Variants in STARD3NL observed in about 807,000 individuals in gnomAD.
STARD3NL encodes the protein STARD3 N-terminal-like protein.
A neutral mutation model predicts 30.9 loss-of-function variants in STARD3NL; 17 were observed. The observed-to-expected ratio is 0.55, with a 90% CI of 0.38 to 0.82. The LOEUF is 0.82. Ranked by LOEUF, STARD3NL falls within the 40% of genes least tolerant of loss-of-function variation. STARD3NL has a pLI of 0.00. For missense variants in STARD3NL, 234 were observed against 277.6 expected, an observed-to-expected ratio of 0.84 and a Z score of 1.12; for synonymous variants, 112 against 100.5, an observed-to-expected ratio of 1.11 and a Z score of -0.69.
chr7:38,196,732 G>A (rs1784913291), intron 1 of STARD3NL, among the ~76,000 whole-genome samples: 1 of 151,878 alleles, frequency 6.6e-6, no homozygotes, highest in Admixed American at 6.6e-5. Context: ...TGAGATGACT[G>A]GTTTTTACCC....
At chr7:38,215,367 A>G in intron 4 of STARD3NL, 1 of 479,826 alleles carries the variant, frequency 2.1e-6, no homozygotes, top group South Asian at 3.5e-5. Flanking sequence ...GCCAAGCACC[A>G]AGCCACCCTC....
Position 38,224,416 on chromosome 7 carries a change from C to T in STARD3NL, c.650-4383C>T, listed in dbSNP as rs139594279. Among the ~76,000 whole-genome samples the T allele has an allele frequency of 4.4e-3, 669 of 152,270 alleles. 1 individual carries two copies. The highest frequency in any genetic ancestry group is 0.015 in the African/African-American group (641 of 41,546). ...TCGTGGCTGTTTTATTTTACGTTCC[C>T]TCCAATAATGTACAGTAGTCCTTTC... is the stretch of plus-strand genomic sequence containing the variant. On this transcript the variant is annotated intron_variant, in intron 7 of 8. Transcript: ENST00000009041.
intron 7 of STARD3NL, among the ~76,000 whole-genome samples, chr7:38,224,998 A>G (rs1027092995): frequency 1.3e-5 from 2 of 152,190 alleles, no homozygotes; most frequent in African/African-American, 4.8e-5. Flanking sequence ...CAGTTTCTCC[A>G]TATATTCACC....
chr7:38,217,410 G>A, intron 6 of STARD3NL, 105 bp downstream of exon 6: 1 of 1,009,670 alleles, frequency 9.9e-7, no homozygotes, highest in Non-Finnish European at 1.5e-6. Flanking sequence ...GGTAGAGTTA[G>A]GCAGTGGTGG....
intron 1 of STARD3NL, chr7:38,198,228 C>G: frequency 6.6e-6 from 1 of 152,196 alleles, no homozygotes; most frequent in East Asian, 1.9e-4. Flanking sequence ...CATGTAGGCC[C>G]CACCGTTTTT....
chr7:38,227,940 G>T (rs951867177), intron 7 of STARD3NL, among the ~76,000 whole-genome samples: 2 of 151,966 alleles, frequency 1.3e-5, no homozygotes, highest in African/African-American at 4.8e-5. Context: ...TTGTAGAAAT[G>T]TTAAAATATC....
At chr7:38,191,146 A>G (rs1784670696) in intron 1 of STARD3NL, among the ~76,000 whole-genome samples, 1 of 152,184 alleles carries the variant, frequency 6.6e-6, no homozygotes, top group African/African-American at 2.4e-5. Flanking sequence ...CAGCATCCAT[A>G]ATGGTCCTTG....
chr7:38,217,933 C>T (rs1026090688), intron 6 of STARD3NL, among the ~76,000 whole-genome samples: 20 of 152,188 alleles, frequency 1.3e-4, no homozygotes, highest in Non-Finnish European at 2.2e-4. Flanking sequence ...GTAGCTGAGT[C>T]ATAGCTAACA....
chr7:38,214,472 A>G (rs1478597616), intron 3 of STARD3NL, 38 bp downstream of exon 3: 1 of 1,377,344 alleles, frequency 7.3e-7, no homozygotes. Context: ...ATGTGATAAA[A>G]CTGACCCAAA....
chr7:38,180,410 G>T (rs1004501805), intron 1 of STARD3NL, among the ~76,000 whole-genome samples: 4 of 152,140 alleles, frequency 2.6e-5, no homozygotes, highest in Non-Finnish European at 5.9e-5. Flanking sequence ...AGTGGCAGTT[G>T]GTCCCTGCTC....
Position 38,192,845 on chromosome 7 carries a change from C to G in STARD3NL, c.-59+14425C>G, listed in dbSNP as rs141183195. ...CTGCCCTCTCTTTCCACACATATAG[C>G]CCCTGAAGATCGGGCGCACACTCCT... On this transcript the variant is annotated intron_variant, in intron 1 of 8. Coordinates refer to ENST00000009041, the MANE Select transcript of STARD3NL (RefSeq NM_032016.4). Among the ~76,000 whole-genome samples the G allele has an allele frequency of 8.2e-4, 125 of 151,694 alleles. 2 individuals carry two copies. Among genetic ancestry groups the G allele is most frequent in the Admixed American group, 7.6e-3 (115 of 15,140 alleles).
chr7:38,207,306 T>C (rs1439645122), intron 1 of STARD3NL, 141 bp from the exon 2 acceptor site: 1 of 574,334 alleles, frequency 1.7e-6, no homozygotes, highest in Non-Finnish European at 3.1e-6. Context: ...TTTCTCTTTC[T>C]CTTTATGTCT....
At chr7:38,197,213 CCT>C in intron 1 of STARD3NL, among the ~76,000 whole-genome samples, 1 of 56,694 alleles carries the variant, frequency 1.8e-5, no homozygotes, top group Middle Eastern at 0.01. Context: ...TCTCTCTTTC[CCT>C]CTCTCTTTCT....
chr7:38,216,972 C>G, intron 4 of STARD3NL, 53 bp from the exon 5 acceptor site: 1 of 1,599,630 alleles, frequency 6.3e-7, no homozygotes. Context: ...AGGGAGGTAC[C>G]TTCACAGTGT....
intron 3 of STARD3NL, 44 bp downstream of exon 3, chr7:38,214,478 C>A: frequency 7.8e-7 from 1 of 1,275,636 alleles, no homozygotes. Context: ...TAAAACTGAC[C>A]CAAAAGGCAG....
At chr7:38,191,501 C>T (rs959595856) in intron 1 of STARD3NL, among the ~76,000 whole-genome samples, 49 of 152,212 alleles carry the variant, frequency 3.2e-4, no homozygotes, top group African/African-American at 1.2e-3. Flanking sequence ...ACACATTCTT[C>T]TAAAGCTTTG....
At chr7:38,211,360 G>C (rs955373170) in intron 2 of STARD3NL, among the ~76,000 whole-genome samples, 1 of 152,152 alleles carries the variant, frequency 6.6e-6, no homozygotes, top group Admixed American at 6.5e-5. Context: ...GATCTGGGAA[G>C]GATGATCCTT....
rs528884941 is a variant in STARD3NL, at chr7:38,225,133, A to G, written c.650-3666A>G. The stretch of plus-strand genomic sequence containing the variant: ...TATTTTTCATGTTTCTATTATATGT[A>G]ATTCATAAGTCTTATTTAGAGAAAA... On this transcript the variant is annotated intron_variant, in intron 7 of 8. Transcript: ENST00000009041. Among the ~76,000 whole-genome samples the G allele has an allele frequency of 2.6e-5, 4 of 152,240 alleles. No homozygotes were observed. In the South Asian group the frequency reaches 8.3e-4, roughly 32 times the overall value.
intron 3 of STARD3NL, among the ~76,000 whole-genome samples, chr7:38,214,725 C>T (rs1295537333): frequency 6.6e-6 from 1 of 152,150 alleles, no homozygotes; most frequent in East Asian, 1.9e-4. Flanking sequence ...CAAATAGAAC[C>T]CATTGACATA....
Sources: allele counts gnomAD v4.1 joint callset (sites outside exome capture counted in the v4.1 genomes callset), GRCh38; gene constraint gnomAD v4.1.1; transcripts MANE v1.5; gene names NCBI Gene and HGNC (gene_info 2026-07-23, HGNC 2026-07-21).